The following HDAC4 variants were observed in gnomAD, a reference collection of about 807,000 sequenced individuals.
HDAC4 encodes histone deacetylase A.
Under a neutral mutation model 135.1 loss-of-function variants are expected in HDAC4, and 16 were observed. The observed-to-expected ratio is 0.12, with a 90% CI of 0.08 to 0.18. HDAC4 has a LOEUF of 0.18. HDAC4 is among the 10% of genes least tolerant of loss of function. The pLI is 1.00. For synonymous variants in HDAC4, 685 were observed against 653.4 expected (o/e 1.05, Z -0.74); for missense variants, 1,143 against 1,511.8 (o/e 0.76, Z 4.05).
intron 22 of HDAC4, among the ~76,000 whole-genome samples, chr2:239,079,635 A>G (rs3791370): frequency 0.43 from 65,896 of 152,146 alleles, 14,688 homozygotes; most frequent in Admixed American, 0.55. Flanking sequence ...ACGTTTACAC[A>G]TGTCCTTGTG....
At chr2:239,099,090 C>T (rs1002494970) in intron 16 of HDAC4, among the ~76,000 whole-genome samples, 4 of 152,176 alleles carry the variant, frequency 2.6e-5, no homozygotes, top group African/African-American at 9.7e-5. Flanking sequence ...CCTTTTTGAT[C>T]ATCTCTCTTA....
intron 4 of HDAC4, among the ~76,000 whole-genome samples, chr2:239,176,992 C>A (rs768216949): frequency 6.6e-6 from 1 of 152,064 alleles, no homozygotes; most frequent in African/African-American, 2.4e-5. Flanking sequence ...GCTATTTATC[C>A]GAAACACGGA....
At chr2:239,118,361 C>T (rs866708140) in intron 12 of HDAC4, among the ~76,000 whole-genome samples, 10 of 152,204 alleles carry the variant, frequency 6.6e-5, no homozygotes, top group East Asian at 3.8e-4. Context: ...CAGGTCCAGC[C>T]GGGTGCAGGC....
At chr2:239,182,221 A>C (rs1448976755) in intron 4 of HDAC4, among the ~76,000 whole-genome samples, 1 of 152,166 alleles carries the variant, frequency 6.6e-6, no homozygotes, top group South Asian at 2.1e-4. Context: ...CTCAGCTCAG[A>C]AAACAAACAC....
At chr2:239,247,932 G>C (rs1408951381) in intron 2 of HDAC4, among the ~76,000 whole-genome samples, 1 of 152,158 alleles carries the variant, frequency 6.6e-6, no homozygotes, top group East Asian at 1.9e-4. Flanking sequence ...TGCAGAAAAA[G>C]GATCCTTTGA....
rs1692955527 is a variant in HDAC4, at chr2:239,349,321, G to A, written c.22+3357C>T. Among the ~76,000 whole-genome samples, 1 of 152,238 alleles carries A rather than the reference G, an allele frequency of 6.6e-6. No homozygotes were observed. The highest frequency in any genetic ancestry group is 2.1e-4 in the South Asian group (1 of 4,832). ...TCGGCTCCTCGGCTCAAGGAAAAGG[G>A]ACAGCGGTTCCGTGGCTGTGCTCTG... On this transcript the variant is annotated intron_variant, in intron 2 of 26. Transcript: ENST00000543185. The surrounding 1 kb of genome is among the most constrained non-coding windows in gnomAD (Gnocchi z 5.7).
intron 19 of HDAC4, among the ~76,000 whole-genome samples, chr2:239,085,041 G>GACAGACAC (rs1553609590): frequency 3.2e-3 from 442 of 138,886 alleles, no homozygotes; most frequent in African/African-American, 7.5e-3. Flanking sequence ...GAGACAGACA[G>GACAGACAC]ACACACACAC....
chr2:239,154,457 A>G (rs2042299778), intron 7 of HDAC4, among the ~76,000 whole-genome samples: 1 of 152,098 alleles, frequency 6.6e-6, no homozygotes, highest in Non-Finnish European at 1.5e-5. Context: ...TACATGAATG[A>G]GCACACATCC....
intron 12 of HDAC4, among the ~76,000 whole-genome samples, chr2:239,117,511 C>A (rs2039242082): frequency 7.1e-6 from 1 of 140,848 alleles, no homozygotes; most frequent in Non-Finnish European, 1.5e-5. Flanking sequence ...TGAATGTGAG[C>A]AGAGCAAAGG....
At chr2:239,260,961 G>A (rs929458765) in intron 2 of HDAC4, among the ~76,000 whole-genome samples, 1 of 152,126 alleles carries the variant, frequency 6.6e-6, no homozygotes, top group Admixed American at 6.5e-5. Context: ...AGGGCACTGG[G>A]GTGGAGACGG....
At chr2:239,291,432 G>A (rs10460500) in intron 2 of HDAC4, among the ~76,000 whole-genome samples, 2 of 152,202 alleles carry the variant, frequency 1.3e-5, no homozygotes, top group African/African-American at 4.8e-5. Flanking sequence ...GGTGGCGGGG[G>A]GCCTGAGGGC....
chr2:239,128,128 G>T (rs150923652), intron 11 of HDAC4, among the ~76,000 whole-genome samples: 98 of 152,122 alleles, frequency 6.4e-4, no homozygotes, highest in African/African-American at 2.2e-3. Flanking sequence ...ACAACTTTCC[G>T]GAAAGACATG....
rs896232607 is a variant in HDAC4, at chr2:239,349,786, C to T, written c.22+2892G>A. Among the ~76,000 whole-genome samples the T allele has an allele frequency of 6.6e-6, 1 of 152,252 alleles. No individual in the cohort carries two copies. The highest frequency in any genetic ancestry group is 2.4e-5 in the African/African-American group (1 of 41,468). On this transcript the variant is annotated intron_variant, in intron 2 of 26. Coordinates refer to ENST00000543185, the MANE Select transcript of HDAC4 (RefSeq NM_001378414.1). This position sits in a 1 kb window ranked among gnomAD's most constrained non-coding sequence, Gnocchi z 5.7. ...CGGACAGGGCAGAGGAGGCAGCCAGCAGACTTCAGGCCCCAGGCAAACCAC... is the reference window on the plus strand; with the variant it reads ...CGGACAGGGCAGAGGAGGCAGCCAGTAGACTTCAGGCCCCAGGCAAACCAC...
At chr2:239,401,425 C>T (rs988331659), upstream of HDAC4, 68 of 161,214 alleles carry the variant, frequency 4.2e-4, 1 homozygote, top group Non-Finnish European at 6.2e-4. Context: ...AGGCGCCAGC[C>T]GCTGGGTGCT....
Position 239,232,533 on chromosome 2 carries a change from TCCAAGGGTGGCCCTTCCCCTCACCAAG to T in HDAC4, c.94+4033_94+4059del, listed in dbSNP as rs1559261163. ...GGATCTGCCTCGGTGTCAAGTCTCC[TCCAAGGGTGGCCCTTCCCCTCACCAAG>T]CCAAGGGTGGCCCTTCCCTCACCAA... On this transcript the variant is annotated intron_variant, in intron 3 of 26. Coordinates refer to ENST00000543185, the MANE Select transcript of HDAC4 (RefSeq NM_001378414.1). Among the ~76,000 whole-genome samples, 10 of 142,326 alleles carry T rather than the reference TCCAAGGGTGGCCCTTCCCCTCACCAAG, an allele frequency of 7.0e-5. No homozygotes were observed. The South Asian group carries it at 9.6e-4, about 14-fold the overall frequency. The allele number at this position is 142,326 out of a possible 152,430, so 93.4% of individuals were successfully genotyped here. A position where few individuals can be genotyped will look rare whatever the true frequency, so the allele number is the denominator to read the frequency against.
At chr2:239,181,982 A>G (rs182791226) in intron 4 of HDAC4, among the ~76,000 whole-genome samples, 1 of 152,318 alleles carries the variant, frequency 6.6e-6, no homozygotes, top group Admixed American at 6.5e-5. Context: ...TACTACCTGG[A>G]GCACACCTTC....
At chr2:239,149,019 G>A (rs990513859) in intron 7 of HDAC4, among the ~76,000 whole-genome samples, 2 of 152,250 alleles carry the variant, frequency 1.3e-5, no homozygotes, top group African/African-American at 2.4e-5. Context: ...TAACGCAGGC[G>A]GGACAGGCAG....
Position 239,068,617 on chromosome 2 carries a change from A to G in HDAC4, c.2751-10T>C. 1 of 1,609,328 alleles carries G rather than the reference A, an allele frequency of 6.2e-7. No homozygotes were observed. Among genetic ancestry groups the G allele is most frequent in the Non-Finnish European group, 8.5e-7 (1 of 1,175,802 alleles). On this transcript the variant is annotated splice_polypyrimidine_tract_variant and intron_variant, in intron 22 of 26. Transcript: ENST00000543185. The surrounding 1 kb of genome is among the most constrained non-coding windows in gnomAD (Gnocchi z 4.4). ...CGGCATGACCACCGTTCTGCAAAGGACAGGAGAAGGCGTTACTGGGTCAGC... is the reference window on the plus strand; with the variant it reads ...CGGCATGACCACCGTTCTGCAAAGGGCAGGAGAAGGCGTTACTGGGTCAGC...
At chr2:239,383,950 A>G (rs560178526) in intron 1 of HDAC4, among the ~76,000 whole-genome samples, 90 of 152,354 alleles carry the variant, frequency 5.9e-4, no homozygotes, top group African/African-American at 1.5e-3. Flanking sequence ...GGGCGGCTGG[A>G]AGAGCTGCCA....
Sources: gnomAD v4.1 joint callset for allele counts (sites outside exome capture counted in the v4.1 genomes callset) on GRCh38, gnomAD v4.1.1 for gene constraint, Gnocchi (gnomAD v3.1) non-coding constraint, MANE v1.5 for transcripts, NCBI Gene and HGNC (gene_info 2026-07-23, HGNC 2026-07-21) for gene names.